HFM1: variants seen among roughly 807,000 people sequenced by gnomAD.
HFM1 encodes the protein helicase for meiosis 1, also known as probable ATP-dependent DNA helicase HFM1.
A neutral mutation model predicts 192.1 loss-of-function variants in HFM1; 169 were observed. The observed-to-expected ratio is 0.88, with a 90% confidence interval of 0.78 to 1.00. The LOEUF is 1.00. HFM1 is among the 50% of genes least tolerant of loss of function. The pLI is 0.00. For synonymous variants in HFM1, 525 were observed against 537.8 expected (o/e 0.98, Z 0.33); for missense variants, 1,661 against 1,668.0 (o/e 1.00, Z 0.07).
intron 20 of HFM1, chr1:91,328,501 C>T: frequency 6.2e-7 from 1 of 1,613,502 alleles, no homozygotes; most frequent in Non-Finnish European, 8.5e-7. Flanking sequence ...GAGCACTTAT[C>T]AGTTCCTGAT....
At chr1:91,342,029 C>T (rs189627283) in intron 20 of HFM1, among the ~76,000 whole-genome samples, 3 of 151,196 alleles carry the variant, frequency 2.0e-5, no homozygotes, top group Non-Finnish European at 2.9e-5. Context: ...AGAGCTGGCA[C>T]CAATCCTACT....
chr1:91,325,979 T>C (rs969603249), intron 20 of HFM1, among the ~76,000 whole-genome samples: 3 of 151,942 alleles, frequency 2.0e-5, no homozygotes, highest in Admixed American at 6.6e-5. Flanking sequence ...GAACAATGCA[T>C]CAGAGTATCT....
At chr1:91,326,029 G>A (rs1043136001) in intron 20 of HFM1, among the ~76,000 whole-genome samples, 7 of 151,928 alleles carry the variant, frequency 4.6e-5, no homozygotes, top group African/African-American at 1.5e-4. Flanking sequence ...CAGTAAGTGA[G>A]CTTGAAGACA....
Position 91,288,852 on chromosome 1 carries a change from G to A in HFM1, c.3392-11790C>T, listed in dbSNP as rs778563684. On this transcript the variant is annotated intron_variant, in intron 30 of 38. Transcript: ENST00000370425. Reference sequence around the variant, plus strand: ...TCCCCCTTTTCTATTCAACAAAACCGCCATCGTCATCATGGCCCTTTCTCA... The same window carrying A: ...TCCCCCTTTTCTATTCAACAAAACCACCATCGTCATCATGGCCCTTTCTCA... Among the ~76,000 whole-genome samples the A allele has an allele frequency of 2.8e-3, 427 of 152,120 alleles. 9 individuals are homozygous for A. Among genetic ancestry groups the A allele is most frequent in the Non-Finnish European group, 1.2e-3 (80 of 67,984 alleles).
Position 91,351,570 on chromosome 1 carries a change from C to A in HFM1, c.2051G>T (p.Cys684Phe). 1 of 1,590,572 alleles carries A rather than the reference C, an allele frequency of 6.3e-7. No individual in the cohort carries two copies. ...CTACCTGCTTTCTACAGTGTCTCTA[C>A]AAGCTAACATCTGAATGTACTTGTC... ...TRDKYIQMLACRDTVESSLHR... is the reference protein window; with the variant it reads ...TRDKYIQMLAFRDTVESSLHR... The change falls in exon 17 of 39, where the codon TGT becomes TTT. Residue 684 changes from cysteine to phenylalanine, a missense_variant. Coordinates refer to ENST00000370425, the MANE Select transcript of HFM1 (RefSeq NM_001017975.6).
At chr1:91,366,580 G>A (rs1659342798) in intron 13 of HFM1, among the ~76,000 whole-genome samples, 1 of 152,180 alleles carries the variant, frequency 6.6e-6, no homozygotes, top group East Asian at 1.9e-4. Flanking sequence ...ATAATGAACT[G>A]GTCAATGTTT....
intron 8 of HFM1, among the ~76,000 whole-genome samples, chr1:91,379,531 T>C (rs1661304988): frequency 2.0e-5 from 3 of 152,134 alleles, no homozygotes; most frequent in African/African-American, 7.2e-5. Flanking sequence ...TTTACAAATT[T>C]GTGCTGGGCC....
chr1:91,401,600 G>A (rs893472285), intron 1 of HFM1, among the ~76,000 whole-genome samples: 17 of 152,048 alleles, frequency 1.1e-4, no homozygotes, highest in Admixed American at 1.3e-4. Flanking sequence ...AAAATAAAGG[G>A]GAGAGATGAA....
rs977385848 is a variant in HFM1 at position 91,338,760 on chromosome 1, C to T, written c.2335+4670G>A. Among the ~76,000 whole-genome samples, 3 of 152,268 alleles carry T rather than the reference C, an allele frequency of 2.0e-5. No homozygotes were observed. In the South Asian group the frequency reaches 6.2e-4, roughly 32 times the overall value. On this transcript the variant is annotated intron_variant, in intron 20 of 38. Transcript: ENST00000370425. The stretch of plus-strand genomic sequence containing the variant: ...GGATCCCACTATGCTGCTGTCTTGC[C>T]ACTGCTGATACACTGCAAACATGGA...
At chr1:91,368,461 G>A (rs867165919) in intron 13 of HFM1, among the ~76,000 whole-genome samples, 13 of 152,114 alleles carry the variant, frequency 8.5e-5, no homozygotes, top group South Asian at 4.1e-4. Flanking sequence ...TTAAAGAAAC[G>A]AATTTTCAAC....
At position 91,319,172 on chromosome 1, in the gene HFM1, A is replaced by G; in HGVS notation, c.2718T>C (p.Phe906=). The G allele has an allele frequency of 6.2e-7, 1 of 1,609,800 alleles. No homozygotes were observed. The highest frequency in any genetic ancestry group is 8.5e-7 in the Non-Finnish European group (1 of 1,178,916). ...SDFVAAQEKK[F]AVLLNSLILA... is the part of the protein sequence containing the mutation. ...AAATCAAACTATTCAATAGTACAGC[A>G]AACTTCTTTTCTTGAGCAGCTACAA... The change falls in exon 25 of 39, where the codon TTT becomes TTC. Residue 906 remains phenylalanine (F), a synonymous_variant. Coordinates refer to ENST00000370425, the MANE Select transcript of HFM1 (RefSeq NM_001017975.6).
chr1:91,361,084 C>T lies in HFM1; in HGVS notation c.1686-7785G>A, dbSNP rs886998308. On this transcript the variant is annotated intron_variant, in intron 13 of 38. Coordinates refer to ENST00000370425, the MANE Select transcript of HFM1 (RefSeq NM_001017975.6). ...AACATATAGCACCAAATTCCCCCAT[C>T]AAAAAGCTAGAAATATCCCAAGTTA... 2.6e-5 allele frequency among the ~76,000 whole-genome samples: 4 copies of T among 152,074 alleles called. No homozygotes were observed. The East Asian group carries it at 7.7e-4, about 29-fold the overall frequency.
In HFM1 at chr1:91,350,824, T is replaced by C. The variant is rs772307411; in HGVS notation, c.2120A>G (p.His707Arg). The change falls in exon 18 of 39, where the codon CAT becomes CGT. Residue 707 changes from histidine to arginine, a missense_variant. His to Arg is a conservative substitution (Grantham distance 29). Coordinates refer to ENST00000370425, the MANE Select transcript of HFM1 (RefSeq NM_001017975.6). The stretch of plus-strand genomic sequence containing the variant: ...AGCAATATTCACATCCGTGATGGTA[T>C]GCAGTACTATCTCTGCATTTAAATG... ...IEHLNAEIVLHTITDVNIAVE... is the reference protein window; with the variant it reads ...IEHLNAEIVLRTITDVNIAVE... 6.2e-7 allele frequency: 1 copy of C among 1,607,512 alleles called. No individual in the cohort carries two copies.
chr1:91,380,389 C>T (rs1487140035), intron 7 of HFM1, among the ~76,000 whole-genome samples, 153 bp from the exon 8 acceptor site: 2 of 152,210 alleles, frequency 1.3e-5, no homozygotes, highest in South Asian at 4.1e-4. Context: ...TGCTCCAGAG[C>T]CTCCACTCTC....
At chr1:91,342,245 C>T (rs1467461120) in intron 20 of HFM1, among the ~76,000 whole-genome samples, 4 of 151,472 alleles carry the variant, frequency 2.6e-5, no homozygotes, top group African/African-American at 7.3e-5. Flanking sequence ...GCTAATCCAC[C>T]GTGAGAGAGA....
At position 91,404,140 on chromosome 1, in the gene HFM1, C is replaced by T. The variant is rs534284140; in HGVS notation, c.-28+658G>A. On this transcript the variant is annotated intron_variant, in intron 1 of 38. Coordinates refer to ENST00000370425, the MANE Select transcript of HFM1 (RefSeq NM_001017975.6). ...AACGGGAACAAATTACTCCGAGGCT[C>T]GGCCTGGGAAAGGACCATACAATTG... 7.2e-5 allele frequency among the ~76,000 whole-genome samples: 11 copies of T among 152,308 alleles called. No individual in the cohort carries two copies. The South Asian group carries it at 2.3e-3, about 32-fold the overall frequency.
chr1:91,391,067 G>A (rs1010032759), intron 4 of HFM1, among the ~76,000 whole-genome samples: 5 of 152,144 alleles, frequency 3.3e-5, no homozygotes, highest in African/African-American at 1.2e-4. Context: ...CCTCTTCAAG[G>A]AGAACTACAA....
intron 30 of HFM1, among the ~76,000 whole-genome samples, chr1:91,301,379 A>G (rs908398845): frequency 5.4e-5 from 7 of 129,672 alleles, no homozygotes; most frequent in African/African-American, 2.0e-4. Flanking sequence ...TATAGATACA[A>G]TGCCATCCCC....
At position 91,386,719 on chromosome 1, in the gene HFM1, T is replaced by C. The variant is rs1396766497; in HGVS notation, c.495-885A>G. Among the ~76,000 whole-genome samples the C allele has an allele frequency of 3.3e-5, 5 of 150,228 alleles. No homozygotes were observed. The East Asian group carries it at 9.8e-4, about 30-fold the overall frequency. On this transcript the variant is annotated intron_variant, in intron 4 of 38. Coordinates refer to ENST00000370425, the MANE Select transcript of HFM1 (RefSeq NM_001017975.6). ...CATAACACCTAATAGTATTTAAATT[T>C]AACTGAAGTGATTCAAGTTACTGAA...
Sources: allele counts gnomAD v4.1 joint callset (sites outside exome capture counted in the v4.1 genomes callset), GRCh38; gene constraint gnomAD v4.1.1; transcripts MANE v1.5; gene names NCBI Gene and HGNC (gene_info 2026-07-23, HGNC 2026-07-21).